The following BMS1 variants were observed in gnomAD, a reference collection of about 807,000 sequenced individuals.
The protein encoded by BMS1 is ribosome biogenesis protein BMS1 homolog.
In BMS1, 53 loss-of-function variants were observed where a neutral mutation model predicts 138.7. The observed-to-expected ratio is 0.38, with a 90% CI of 0.31 to 0.48. BMS1 has a LOEUF of 0.48. Ranked by LOEUF, BMS1 falls within the 20% of genes least tolerant of loss-of-function variation. The pLI is 0.97. For missense variants in BMS1, 1,360 were observed against 1,565.5 expected (o/e 0.87, Z 2.22); for synonymous variants, 504 against 539.9 (o/e 0.93, Z 0.92).
At chr10:42,791,352 C>T (rs1188034051) in intron 5 of BMS1, among the ~76,000 whole-genome samples, 6 of 152,132 alleles carry the variant, frequency 3.9e-5, no homozygotes, top group African/African-American at 1.4e-4. Flanking sequence ...CTGCTCTGGA[C>T]CATTGGCCAC....
chr10:42,805,710 A>G (rs1165494524), intron 13 of BMS1, among the ~76,000 whole-genome samples: 1 of 152,148 alleles, frequency 6.6e-6, no homozygotes, highest in Non-Finnish European at 1.5e-5. Flanking sequence ...TTATTTTCAT[A>G]TCAACTTGTA....
chr10:42,829,476 G>A (rs1390918135), intron 21 of BMS1, among the ~76,000 whole-genome samples: 1 of 152,100 alleles, frequency 6.6e-6, no homozygotes, highest in Non-Finnish European at 1.5e-5. Context: ...TTAGAATCAG[G>A]AATCAGGACT....
chr10:42,823,360 G>A, intron 20 of BMS1, 95 bp downstream of exon 20: 1 of 1,448,454 alleles, frequency 6.9e-7, no homozygotes, highest in Non-Finnish European at 9.2e-7. Context: ...TCTCTAGAGA[G>A]TTGAGCAGCT....
chr10:42,799,767 A>G (rs1564416701), intron 12 of BMS1, among the ~76,000 whole-genome samples: 2 of 152,180 alleles, frequency 1.3e-5, no homozygotes, highest in East Asian at 3.8e-4. Context: ...CCAGCCTCTT[A>G]AGGTGATGCT....
intron 7 of BMS1, 152 bp downstream of exon 7, chr10:42,792,766 G>T (rs1841548662): frequency 1.5e-6 from 2 of 1,364,280 alleles, no homozygotes; most frequent in African/African-American, 2.9e-5. Flanking sequence ...CTGCAAAGGT[G>T]TTACTGAATC....
In BMS1 at chr10:42,796,718, G is replaced by A. The variant is rs1372526361; in HGVS notation, c.1474G>A (p.Glu492Lys). 1 of 1,614,226 alleles carries A rather than the reference G, an allele frequency of 6.2e-7. No homozygotes were observed. The highest frequency in any genetic ancestry group is 8.5e-7 in the Non-Finnish European group (1 of 1,180,032). The change falls in exon 10 of 23, where the codon GAA becomes AAA. Residue 492 changes from glutamate (E) to lysine (K), a missense_variant. Physicochemically the swap from Glu to Lys is moderately conservative, Grantham distance 56. Transcript: ENST00000374518. ...CAAACGACGGAAACTTGAGTTGGAA[G>A]AAGACAGTGAAATGGATTTGCCAGC... Reference protein sequence around the residue: ...GIKRRKLELEEDSEMDLPAFA... With the variant: ...GIKRRKLELEKDSEMDLPAFA...
At chr10:42,785,955 G>A (rs548255083) in intron 3 of BMS1, among the ~76,000 whole-genome samples, 6 of 152,276 alleles carry the variant, frequency 3.9e-5, no homozygotes, top group South Asian at 2.1e-4. Context: ...TTTGCTGCTC[G>A]ATTGCGACAC....
intron 9 of BMS1, among the ~76,000 whole-genome samples, chr10:42,795,126 G>T (rs898615614): frequency 1.4e-5 from 2 of 147,778 alleles, no homozygotes; most frequent in African/African-American, 2.5e-5. Flanking sequence ...GTATTCCATG[G>T]TGTATATGTG....
chr10:42,815,410 G>T (rs1279519387), intron 13 of BMS1, among the ~76,000 whole-genome samples: 1 of 152,040 alleles, frequency 6.6e-6, no homozygotes, highest in African/African-American at 2.4e-5. Flanking sequence ...TTCTTGTTAG[G>T]TTTATTCCTA....
intron 18 of BMS1, among the ~76,000 whole-genome samples, chr10:42,821,528 A>G (rs1471838323): frequency 6.7e-6 from 1 of 148,232 alleles, no homozygotes; most frequent in African/African-American, 2.5e-5. Context: ...CTCTCAGGAA[A>G]GTACTCAAGG....
Position 42,798,611 on chromosome 10 carries a change from T to C in BMS1, c.2233T>C (p.Trp745Arg). The C allele has an allele frequency of 6.2e-7, 1 of 1,614,210 alleles. No individual in the cohort carries two copies. The highest frequency in any genetic ancestry group is 8.5e-7 in the Non-Finnish European group (1 of 1,180,016). Residue 745 changes from tryptophan (W) to arginine (R), a missense_variant, in exon 12 of 23, where the codon TGG becomes CGG. By Grantham distance (101) the Trp-to-Arg change is moderately radical (BLOSUM62 -3). Transcript: ENST00000374518. ...SRFLVEAPHD[W>R]DLEEVMNSIR... Reference sequence around the variant, plus strand: ...ATTTCTTGTGGAGGCCCCCCATGACTGGGATTTAGAGGAGGTAAGTCTGGG... The same window carrying C: ...ATTTCTTGTGGAGGCCCCCCATGACCGGGATTTAGAGGAGGTAAGTCTGGG...
intron 11 of BMS1, 59 bp from the exon 12 acceptor site, chr10:42,798,409 A>T: frequency 6.2e-7 from 1 of 1,600,672 alleles, no homozygotes. Flanking sequence ...GTTGAAAATG[A>T]TGAGTCCTCT....
At position 42,785,506 on chromosome 10, in the gene BMS1, G is replaced by A. The variant is rs1325643446; in HGVS notation, c.201G>A (p.Lys67=). Residue 67 remains lysine, a synonymous_variant, in exon 3 of 23, where the codon AAG becomes AAA. Transcript: ENST00000374518. ...GGACTCAGGATTTGAAGACAAAAAA[G>A]CATCATATTCCAGTGGTTGATCGAA... ...FHRTQDLKTK[K]HHIPVVDRTP... is the part of the protein sequence containing the mutation. The A allele has an allele frequency of 6.2e-7, 1 of 1,609,662 alleles. No homozygotes were observed. Among genetic ancestry groups the A allele is most frequent in the African/African-American group, 1.3e-5 (1 of 74,822 alleles).
At chr10:42,823,852 T>C in intron 21 of BMS1, 68 bp downstream of exon 21, 7 of 1,261,694 alleles carry the variant, frequency 5.5e-6, no homozygotes, top group Middle Eastern at 3.0e-4. Flanking sequence ...ACACAGACAC[T>C]TTTCTATAAT....
chr10:42,804,277 A>T (rs116892611), intron 13 of BMS1, among the ~76,000 whole-genome samples: 1,625 of 152,324 alleles, frequency 0.011, 66 homozygotes, highest in Admixed American at 0.082. Context: ...GGGTCATATG[A>T]TAGGTACACA....
At chr10:42,812,435 C>T (rs1347466263) in intron 13 of BMS1, among the ~76,000 whole-genome samples, 2 of 152,178 alleles carry the variant, frequency 1.3e-5, no homozygotes, top group Non-Finnish European at 2.9e-5. Context: ...CCACTGTGCC[C>T]GGCCTCCGCC....
intron 18 of BMS1, among the ~76,000 whole-genome samples, chr10:42,821,518 C>G (rs1414749281): frequency 6.9e-6 from 1 of 145,140 alleles, no homozygotes; most frequent in Admixed American, 6.8e-5. Flanking sequence ...TCTGAAATCA[C>G]TCTCAGGAAA....
intron 13 of BMS1, among the ~76,000 whole-genome samples, chr10:42,804,165 G>A (rs1436800080): frequency 1.3e-5 from 2 of 152,100 alleles, no homozygotes; most frequent in Admixed American, 1.3e-4. Context: ...CCAGGTTTTG[G>A]CTATTATGAG....
intron 7 of BMS1, 58 bp from the exon 8 acceptor site, chr10:42,792,899 T>C (rs1459982274): frequency 1.3e-6 from 2 of 1,543,564 alleles, no homozygotes; most frequent in Non-Finnish European, 1.8e-6. Flanking sequence ...CCCTAGTCAA[T>C]GGTAGATGCT....
Sources: allele counts gnomAD v4.1 joint callset (sites outside exome capture counted in the v4.1 genomes callset), GRCh38; gene constraint gnomAD v4.1.1; transcripts MANE v1.5; gene names NCBI Gene and HGNC (gene_info 2026-07-23, HGNC 2026-07-21).